The following PCDHGB7 variants were observed in gnomAD, a reference collection of about 807,000 sequenced individuals.
The protein encoded by PCDHGB7 is protocadherin gamma subfamily B, 7, also known as protocadherin gamma-B7.
PCDHGB7 carries 37 observed loss-of-function variants against 61.4 expected under a neutral mutation model. That is an observed-to-expected ratio of 0.60 (90% CI 0.46 to 0.79). PCDHGB7 has a LOEUF of 0.79. PCDHGB7 is among the 30% of genes least tolerant of loss of function. PCDHGB7 has a pLI of 0.00. For synonymous variants in PCDHGB7, 464 were observed against 503.5 expected, an observed-to-expected ratio of 0.92 and a Z score of 1.05; for missense variants, 1,166 against 1,202.5, an observed-to-expected ratio of 0.97 and a Z score of 0.45.
Position 141,476,279 on chromosome 5 carries a change from G to T in PCDHGB7, c.2416-18528G>T. The T allele has an allele frequency of 6.2e-7, 1 of 1,614,148 alleles. No individual in the cohort carries two copies. Among genetic ancestry groups the T allele is most frequent in the Non-Finnish European group, 8.5e-7 (1 of 1,180,024 alleles). On this transcript the variant is annotated intron_variant, in intron 1 of 3. Coordinates refer to ENST00000398594, the MANE Select transcript of PCDHGB7 (RefSeq NM_018927.4). This position sits in a 1 kb window ranked among gnomAD's most constrained non-coding sequence, Gnocchi z 7.6. ...TGTGGGCAACGTGGTCGCGAACCTT[G>T]GTTTGGATCTCGGTAGCCTCTCAGC...
chr5:141,438,037 G>A (rs2097925203), intron 1 of PCDHGB7, among the ~76,000 whole-genome samples: 1 of 151,910 alleles, frequency 6.6e-6, no homozygotes, highest in African/African-American at 2.4e-5. Flanking sequence ...CACCATGCCC[G>A]ACCACTTTGA....
rs1042973261 is a variant in PCDHGB7 at position 141,491,547 on chromosome 5, G to T, written c.2416-3260G>T. ...AGGTGACGCTGCGGCCCACAGACTC[G>T]CAGAGCCACTGCTACAGGACGTGCT... On this transcript the variant is annotated intron_variant, in intron 1 of 3. Transcript: ENST00000398594. The surrounding 1 kb of genome is among the most constrained non-coding windows in gnomAD (Gnocchi z 6.9). 6.8e-6 allele frequency: 11 copies of T among 1,613,856 alleles called. No homozygotes were observed. Among genetic ancestry groups the T allele is most frequent in the Middle Eastern group, 1.6e-4 (1 of 6,084 alleles).
At chr5:141,496,373 C>T (rs1315450867) in intron 2 of PCDHGB7, among the ~76,000 whole-genome samples, 2 of 152,216 alleles carry the variant, frequency 1.3e-5, no homozygotes. Flanking sequence ...GAAGCAGGAG[C>T]TTGGGCCACC....
intron 1 of PCDHGB7, chr5:141,441,697 C>T: frequency 6.5e-6 from 2 of 307,306 alleles, no homozygotes; most frequent in Non-Finnish European, 1.3e-5. Flanking sequence ...CAGCCGCGAG[C>T]CTTCAAGCTC....
intron 1 of PCDHGB7, chr5:141,423,565 C>G: frequency 1.2e-6 from 2 of 1,613,594 alleles, no homozygotes; most frequent in Non-Finnish European, 1.7e-6. Context: ...TGGGGACACG[C>G]TCATCAGCCA....
Position 141,486,362 on chromosome 5 carries a change from C to A in PCDHGB7, c.2416-8445C>A. On this transcript the variant is annotated intron_variant, in intron 1 of 3. Coordinates refer to ENST00000398594, the MANE Select transcript of PCDHGB7 (RefSeq NM_018927.4). The surrounding 1 kb of genome is among the most constrained non-coding windows in gnomAD (Gnocchi z 5.0). ...CATTCCTGACCACTTGCCATTTGCC[C>A]TCAAGTCTGCCTTCAGGAACCAGTT... The A allele has an allele frequency of 6.2e-7, 1 of 1,614,132 alleles. No individual in the cohort carries two copies. The highest frequency in any genetic ancestry group is 1.7e-5 in the Admixed American group (1 of 60,024).
At chr5:141,480,514 C>A (rs1015316945) in intron 1 of PCDHGB7, among the ~76,000 whole-genome samples, 2 of 127,196 alleles carry the variant, frequency 1.6e-5, no homozygotes, top group African/African-American at 7.3e-5. Flanking sequence ...TGAGAACAAC[C>A]AAAAATGACA....
At chr5:141,473,330 C>T (rs1431360397) in intron 1 of PCDHGB7, among the ~76,000 whole-genome samples, 2 of 152,208 alleles carry the variant, frequency 1.3e-5, no homozygotes, top group East Asian at 3.8e-4. Flanking sequence ...TAAGTGCCTG[C>T]TGTGCTAGAC....
intron 1 of PCDHGB7, among the ~76,000 whole-genome samples, chr5:141,452,476 C>T (rs968627914): frequency 6.6e-6 from 1 of 152,216 alleles, no homozygotes; most frequent in Admixed American, 6.5e-5. Context: ...AGGAAAAACA[C>T]ACATAAACAC....
intron 1 of PCDHGB7, chr5:141,427,959 C>A: frequency 1.3e-6 from 2 of 1,588,886 alleles, no homozygotes; most frequent in Non-Finnish European, 1.7e-6. Flanking sequence ...CAATGTGCCG[C>A]GGGTGCTGTA....
At position 141,491,700 on chromosome 5, in the gene PCDHGB7, G is replaced by A. The variant is rs1199177466; in HGVS notation, c.2416-3107G>A. 3.1e-6 allele frequency: 5 copies of A among 1,611,830 alleles called. No homozygotes were observed. The highest frequency in any genetic ancestry group is 4.2e-6 in the Non-Finnish European group (5 of 1,179,142). On this transcript the variant is annotated intron_variant, in intron 1 of 3. Coordinates refer to ENST00000398594, the MANE Select transcript of PCDHGB7 (RefSeq NM_018927.4). The surrounding 1 kb of genome is among the most constrained non-coding windows in gnomAD (Gnocchi z 6.9). ...CTAATACGCTGCGGGAGCGGAGCCA[G>A]GTGAGGGGCTCGGCGCCGCCCCGGG...
chr5:141,466,809 CA>C (rs1454424644), intron 1 of PCDHGB7, among the ~76,000 whole-genome samples: 1 of 152,102 alleles, frequency 6.6e-6, no homozygotes, highest in Non-Finnish European at 1.5e-5. Flanking sequence ...CCTATTCAGA[CA>C]TGGTATAACA....
At position 141,487,603 on chromosome 5, in the gene PCDHGB7, C is replaced by T; in HGVS notation, c.2416-7204C>T. The stretch of plus-strand genomic sequence containing the variant: ...CAAGCTGCCCACCCTCTGATCTTCT[C>T]TATGGGCTAGAGGTGAGACCTTTGC... On this transcript the variant is annotated intron_variant, in intron 1 of 3. Transcript: ENST00000398594. This position sits in a 1 kb window ranked among gnomAD's most constrained non-coding sequence, Gnocchi z 5.0. 1.2e-6 allele frequency: 2 copies of T among 1,614,214 alleles called. No individual in the cohort carries two copies. Among genetic ancestry groups the T allele is most frequent in the Non-Finnish European group, 1.7e-6 (2 of 1,180,042 alleles).
At chr5:141,447,136 TTTTTTG>T (rs1304915683) in intron 1 of PCDHGB7, among the ~76,000 whole-genome samples, 4 of 152,090 alleles carry the variant, frequency 2.6e-5, no homozygotes, top group Admixed American at 6.6e-5. Context: ...TGTTTGTTTG[TTTTTTG>T]TTTTTGTTTT....
rs1319222603 is a variant in PCDHGB7 at position 141,438,686 on chromosome 5, A to G, written c.2415+18412A>G. Among the ~76,000 whole-genome samples the G allele has an allele frequency of 2.8e-5, 4 of 140,922 alleles. No homozygotes were observed. The Admixed American group carries it at 2.9e-4, about 10-fold the overall frequency. 92.5% of individuals were successfully genotyped at this position (140,922 alleles called of 152,430 possible). On this transcript the variant is annotated intron_variant, in intron 1 of 3. Transcript: ENST00000398594. ...TATATATATTTGGAGTAGGGGATGGAGTCTTGCTCTGTCACCCAGGCTGGA... is the reference window on the plus strand; with the variant it reads ...TATATATATTTGGAGTAGGGGATGGGGTCTTGCTCTGTCACCCAGGCTGGA...
rs773703641 is a variant in PCDHGB7, at chr5:141,477,856, G to A, written c.2416-16951G>A. On this transcript the variant is annotated intron_variant, in intron 1 of 3. Transcript: ENST00000398594. The surrounding 1 kb of genome is among the most constrained non-coding windows in gnomAD (Gnocchi z 4.9). ...CAGGTGGGAGCTCGGTGGAGATGCT[G>A]CCTCGAGGTACCTCAGCTGGCCACC... is the stretch of plus-strand genomic sequence containing the variant. 6.2e-7 allele frequency: 1 copy of A among 1,613,592 alleles called. No homozygotes were observed. Among genetic ancestry groups the A allele is most frequent in the Admixed American group, 1.7e-5 (1 of 59,976 alleles).
rs187713374 is a variant in PCDHGB7, at chr5:141,430,744, C to G, written c.2415+10470C>G. 2.5e-4 allele frequency: 380 copies of G among 1,498,404 alleles called. 1 individual carries two copies. In the African/African-American group the frequency reaches 4.6e-3, roughly 18 times the overall value. The allele number at this position is 1,498,404 out of a possible 1,614,324, so 92.8% of individuals were successfully genotyped here. A position where few individuals can be genotyped will look rare whatever the true frequency, so the allele number is the denominator to read the frequency against. ...GTTAAGGGCAGAATTGAAAATAATTCTGGAGGAAGATAAGAATGATTCCTG... is the reference window on the plus strand; with the variant it reads ...GTTAAGGGCAGAATTGAAAATAATTGTGGAGGAAGATAAGAATGATTCCTG... On this transcript the variant is annotated intron_variant, in intron 1 of 3. Coordinates refer to ENST00000398594, the MANE Select transcript of PCDHGB7 (RefSeq NM_018927.4).
At chr5:141,465,141 A>AT (rs1341872532) in intron 1 of PCDHGB7, among the ~76,000 whole-genome samples, 2 of 151,678 alleles carry the variant, frequency 1.3e-5, no homozygotes, top group Non-Finnish European at 2.9e-5. Flanking sequence ...AGTTTAGGGG[A>AT]TATATGAAGG....
In PCDHGB7 at chr5:141,477,250, C is replaced by G; in HGVS notation, c.2416-17557C>G. 6.2e-7 allele frequency: 1 copy of G among 1,614,190 alleles called. No homozygotes were observed. The highest frequency in any genetic ancestry group is 8.5e-7 in the Non-Finnish European group (1 of 1,180,040). On this transcript the variant is annotated intron_variant, in intron 1 of 3. Coordinates refer to ENST00000398594, the MANE Select transcript of PCDHGB7 (RefSeq NM_018927.4). The surrounding 1 kb of genome is among the most constrained non-coding windows in gnomAD (Gnocchi z 4.9). ...TCATCGCTTTGCTCAGTGTGACTGA[C>G]CTGGATGCTGGCGAGAACGGGCTGG...
Sources: allele counts gnomAD v4.1 joint callset (sites outside exome capture counted in the v4.1 genomes callset), GRCh38; gene constraint gnomAD v4.1.1; non-coding constraint Gnocchi (gnomAD v3.1); transcripts MANE v1.5; gene names NCBI Gene and HGNC (gene_info 2026-07-23, HGNC 2026-07-21).